ARRB1: variants seen among roughly 807,000 people sequenced by gnomAD.
ARRB1 encodes the protein arrestin beta 1.
A neutral mutation model predicts 56.8 loss-of-function variants in ARRB1; 21 were observed. The ratio of observed to expected loss-of-function variants is 0.37; its 90% CI spans 0.26 to 0.53. The LOEUF (loss-of-function observed/expected upper bound fraction) is 0.53. ARRB1 is among the 20% of genes least tolerant of loss of function. The probability of loss-of-function intolerance (pLI) is 0.88; values close to 1 mark genes in which losing one functional copy is unlikely to be tolerated. For synonymous variants in ARRB1, 210 were observed against 218.6 expected (o/e 0.96, Z 0.35); for missense variants, 424 against 553.7 (o/e 0.77, Z 2.35).
At chr11:75,324,412 C>T (rs1036894601) in intron 1 of ARRB1, among the ~76,000 whole-genome samples, 1 of 152,202 alleles carries the variant, frequency 6.6e-6, no homozygotes, top group African/African-American at 2.4e-5. Flanking sequence ...GAGTCCACAG[C>T]AGCCGCCCTC....
At position 75,265,727 on chromosome 11, in the gene ARRB1, T is replaced by A. The variant is rs1251205180; in HGVS notation, c.*436A>T. 5 of 181,702 alleles carry A rather than the reference T, an allele frequency of 2.8e-5. No individual in the cohort carries two copies. Among genetic ancestry groups the A allele is most frequent in the Admixed American group, 1.1e-4 (2 of 17,536 alleles). 11.3% of individuals were successfully genotyped at this position (181,702 alleles called of 1,614,324 possible). A position where few individuals can be genotyped will look rare whatever the true frequency, so the allele number is the denominator to read the frequency against. ...GGTGGCCTTCAACGCGGTCATCTTTTAGCTGCCAGAACTTTGTTAACCACC... is the reference window on the plus strand; with the variant it reads ...GGTGGCCTTCAACGCGGTCATCTTTAAGCTGCCAGAACTTTGTTAACCACC... On this transcript the variant is annotated 3_prime_UTR_variant, in exon 16 of 16. Coordinates refer to ENST00000420843, the MANE Select transcript of ARRB1 (RefSeq NM_004041.5).
intron 15 of ARRB1, 37 bp downstream of exon 15, chr11:75,267,614 GC>G: frequency 7.5e-7 from 1 of 1,325,138 alleles, no homozygotes; most frequent in Non-Finnish European, 1.1e-6. Flanking sequence ...CCCACCCGCG[GC>G]CCACCCCCGG....
intron 5 of ARRB1, 21 bp from the exon 6 acceptor site, chr11:75,282,042 C>A: frequency 1.9e-6 from 3 of 1,613,450 alleles, no homozygotes; most frequent in Non-Finnish European, 2.5e-6. Context: ...GAGGACAGAA[C>A]GAGCCACCTG....
intron 1 of ARRB1, among the ~76,000 whole-genome samples, chr11:75,324,861 T>A (rs1947405245): frequency 6.6e-6 from 1 of 152,192 alleles, no homozygotes; most frequent in African/African-American, 2.4e-5. Context: ...CCTAGACTTT[T>A]CTGCCTCTCT....
chr11:75,271,462 G>A, intron 13 of ARRB1: 1 of 443,908 alleles, frequency 2.3e-6, no homozygotes, highest in South Asian at 4.5e-5. Context: ...GCCACTCCCT[G>A]TATCAGTGTA....
At chr11:75,266,342 C>T (rs1358065131) in intron 15 of ARRB1, 68 bp from the exon 16 acceptor site, 1 of 1,322,350 alleles carries the variant, frequency 7.6e-7, no homozygotes, top group Non-Finnish European at 1.1e-6. Context: ...ATCCAGAGGC[C>T]CGGCCAGATG....
intron 1 of ARRB1, 128 bp downstream of exon 1, chr11:75,351,460 G>T: frequency 7.3e-7 from 1 of 1,375,110 alleles, no homozygotes; most frequent in Non-Finnish European, 9.6e-7. Flanking sequence ...ACCTCGGGTG[G>T]AGGAGAGCTG....
intron 13 of ARRB1, among the ~76,000 whole-genome samples, chr11:75,270,074 G>A (rs894555257): frequency 2.0e-5 from 3 of 152,260 alleles, no homozygotes; most frequent in Non-Finnish European, 2.9e-5. Context: ...CTCGCCACCC[G>A]CTGGTGCAGC....
At chr11:75,270,239 G>T (rs1182623086) in intron 13 of ARRB1, among the ~76,000 whole-genome samples, 1 of 152,246 alleles carries the variant, frequency 6.6e-6, no homozygotes, top group Non-Finnish European at 1.5e-5. Context: ...CTAGCACTTT[G>T]GGAGGCCAAG....
At chr11:75,322,942 A>G (rs1388144088) in intron 1 of ARRB1, among the ~76,000 whole-genome samples, 1 of 152,228 alleles carries the variant, frequency 6.6e-6, no homozygotes, top group African/African-American at 2.4e-5. Context: ...GGATTAAATG[A>G]GCAACTTTAC....
At chr11:75,283,649 C>T (rs1266827857) in intron 4 of ARRB1, among the ~76,000 whole-genome samples, 166 bp from the exon 5 acceptor site, 3 of 152,196 alleles carry the variant, frequency 2.0e-5, no homozygotes, top group Admixed American at 1.3e-4. Flanking sequence ...GTAGTGAGTA[C>T]CGGAAGGATG....
intron 4 of ARRB1, 108 bp from the exon 5 acceptor site, chr11:75,283,591 G>A (rs1946401830): frequency 1.8e-6 from 2 of 1,109,698 alleles, no homozygotes; most frequent in Non-Finnish European, 2.5e-6. Context: ...CCCCAAGCCT[G>A]TCCCAAGCTC....
At chr11:75,285,156 G>C (rs1946440495) in intron 3 of ARRB1, among the ~76,000 whole-genome samples, 1 of 152,238 alleles carries the variant, frequency 6.6e-6, no homozygotes, top group Non-Finnish European at 1.5e-5. Context: ...GGCACATGTG[G>C]ATTGGGGGTT....
intron 3 of ARRB1, among the ~76,000 whole-genome samples, chr11:75,285,877 G>T (rs1027072296): frequency 3.9e-5 from 6 of 152,178 alleles, no homozygotes; most frequent in African/African-American, 1.2e-4. Context: ...GCCTCAGAGG[G>T]CCCACTGGAA....
At chr11:75,337,754 G>A (rs568183946) in intron 1 of ARRB1, among the ~76,000 whole-genome samples, 1 of 140,370 alleles carries the variant, frequency 7.1e-6, no homozygotes, top group African/African-American at 2.6e-5. Context: ...CAGGTGCCCT[G>A]TGCAGTTGTT....
intron 1 of ARRB1, among the ~76,000 whole-genome samples, chr11:75,341,118 C>T (rs1947687356): frequency 6.6e-6 from 1 of 152,066 alleles, no homozygotes; most frequent in South Asian, 2.1e-4. Flanking sequence ...GATCCACCCT[C>T]AGTCTTGAAT....
At chr11:75,281,917 T>G in intron 6 of ARRB1, 45 bp downstream of exon 6, 3 of 1,596,186 alleles carry the variant, frequency 1.9e-6, no homozygotes, top group Non-Finnish European at 2.6e-6. Context: ...CCTGGGGACA[T>G]GAGACTCCTG....
At chr11:75,289,919 C>T in intron 2 of ARRB1, 90 bp downstream of exon 2, 1 of 1,586,142 alleles carries the variant, frequency 6.3e-7, no homozygotes, top group Admixed American at 1.7e-5. Flanking sequence ...GTGTGCATTT[C>T]AGGGGACATG....
intron 1 of ARRB1, among the ~76,000 whole-genome samples, chr11:75,315,907 T>C (rs886799274): frequency 1.3e-5 from 2 of 152,152 alleles, no homozygotes; most frequent in South Asian, 4.1e-4. Context: ...GAAAATACAC[T>C]CACGCCACCC....
Sources: allele counts gnomAD v4.1 joint callset (sites outside exome capture counted in the v4.1 genomes callset), GRCh38; gene constraint gnomAD v4.1.1; transcripts MANE v1.5; gene names NCBI Gene and HGNC (gene_info 2026-07-23, HGNC 2026-07-21).